BLK: variants seen among roughly 807,000 people sequenced by gnomAD.
BLK encodes the protein BLK proto-oncogene, Src family tyrosine kinase.
A neutral mutation model predicts 61.8 loss-of-function variants in BLK; 64 were observed. That is an observed-to-expected ratio of 1.03 (90% CI 0.85 to 1.27). BLK has a LOEUF of 1.27. BLK is among the 50% of genes most tolerant of loss of function. BLK has a pLI of 0.00. For synonymous variants in BLK, 351 were observed against 272.0 expected (o/e 1.29, Z -2.86); for missense variants, 853 against 660.5 (o/e 1.29, Z -3.19).
rs1171571016 is a variant in BLK, at chr8:11,561,358, G to A, written c.1086G>A (p.Arg362=). The change falls in exon 11 of 13, where the codon CGG becomes CGA. Residue 362 remains arginine (R), a synonymous_variant. Transcript: ENST00000259089. The part of the protein sequence containing the change: ...ERMNSIHRDL[R]AANILVSEAL... ...TGAATTCCATCCACCGCGACCTGCG[G>A]GCGGCCAACATCCTGGTGTCTGAGG... The A allele has an allele frequency of 6.2e-7, 1 of 1,614,022 alleles. No homozygotes were observed. The highest frequency in any genetic ancestry group is 1.3e-5 in the African/African-American group (1 of 74,940).
At chr8:11,524,414 T>C (rs1458497835) in intron 1 of BLK, among the ~76,000 whole-genome samples, 1 of 152,148 alleles carries the variant, frequency 6.6e-6, no homozygotes, top group Admixed American at 6.5e-5. Flanking sequence ...ACTTGCTTAA[T>C]AAAAAATGAG....
In BLK at chr8:11,556,765, G is replaced by A. The variant is rs201698258; in HGVS notation, c.880G>A (p.Glu294Lys). The change falls in exon 9 of 13, where the codon GAG (glutamate) becomes AAG (lysine). Residue 294 changes from glutamate to lysine, a missense_variant. Coordinates refer to ENST00000259089, the MANE Select transcript of BLK (RefSeq NM_001715.3). ...CAACGTGATGAAGGCTCTGCAGCAC[G>A]AGCGGCTGGTCCGACTCTACGCAGT... ...EANVMKALQH[E>K]RLVRLYAVVT... is the part of the protein sequence containing the mutation. 44 of 1,614,202 alleles carry A rather than the reference G, an allele frequency of 2.7e-5. No individual in the cohort carries two copies. The highest frequency in any genetic ancestry group is 2.2e-4 in the East Asian group (10 of 44,884).
At chr8:11,533,554 T>A (rs1197423535) in intron 1 of BLK, among the ~76,000 whole-genome samples, 1 of 150,200 alleles carries the variant, frequency 6.7e-6, no homozygotes, top group East Asian at 2.0e-4. Flanking sequence ...AAATCTCTCT[T>A]CTGTGCTTCA....
intron 1 of BLK, among the ~76,000 whole-genome samples, chr8:11,519,301 C>T (rs903329428): frequency 1.3e-5 from 2 of 152,196 alleles, no homozygotes; most frequent in African/African-American, 2.4e-5. Flanking sequence ...ACTGTCACAG[C>T]GTTTCTGGAC....
Position 11,563,957 on chromosome 8 carries a change from G to T in BLK, c.1367G>T (p.Arg456Leu). ...CTGGAGCGCGGCTACCGCATGCCGC[G>T]CCCCGACACCTGCCCGCCCGAGCTG... The part of the protein sequence containing the change: ...RNLERGYRMP[R>L]PDTCPPELYR... The change falls in exon 13 of 13, where the codon CGC becomes CTC. Residue 456 changes from arginine (R) to leucine (L), a missense_variant. By Grantham distance (102) the Arg-to-Leu change is moderately radical. Transcript: ENST00000259089. The T allele has an allele frequency of 1.2e-6, 2 of 1,607,054 alleles. No individual in the cohort carries two copies. The highest frequency in any genetic ancestry group is 1.7e-6 in the Non-Finnish European group (2 of 1,179,316).
chr8:11,536,354 G>A (rs79142660), intron 1 of BLK, among the ~76,000 whole-genome samples: 1 of 152,108 alleles, frequency 6.6e-6, no homozygotes, highest in Non-Finnish European at 1.5e-5. Context: ...TTGAATGTGG[G>A]TGATGAGTGT....
intron 1 of BLK, among the ~76,000 whole-genome samples, chr8:11,530,834 G>A (rs1216779390): frequency 6.6e-6 from 1 of 152,198 alleles, no homozygotes; most frequent in African/African-American, 2.4e-5. Flanking sequence ...GAACATATAT[G>A]TCAAGTCTTT....
chr8:11,532,085 C>T (rs1799908765), intron 1 of BLK, among the ~76,000 whole-genome samples: 1 of 152,062 alleles, frequency 6.6e-6, no homozygotes, highest in African/African-American at 2.4e-5. Context: ...TCTCAAACCC[C>T]TGACCTCAAG....
chr8:11,498,398 T>C (rs556404977), intron 1 of BLK, among the ~76,000 whole-genome samples: 5 of 152,312 alleles, frequency 3.3e-5, no homozygotes, highest in African/African-American at 9.6e-5. Context: ...AAACAAGCTT[T>C]TGTGTAGGTG....
chr8:11,542,421 G>A (rs181152237), intron 1 of BLK, among the ~76,000 whole-genome samples: 2 of 152,226 alleles, frequency 1.3e-5, no homozygotes, highest in African/African-American at 4.8e-5. Context: ...AGAGCCCGAT[G>A]TAAGTGCAGG....
intron 1 of BLK, among the ~76,000 whole-genome samples, chr8:11,538,088 A>G (rs1446124585): frequency 6.6e-6 from 1 of 152,114 alleles, no homozygotes; most frequent in African/African-American, 2.4e-5. Context: ...ACACACACAT[A>G]TATACACACA....
chr8:11,543,180 G>A (rs1585387130), intron 1 of BLK, 44 bp from the exon 2 acceptor site: 2 of 1,612,318 alleles, frequency 1.2e-6, no homozygotes, highest in East Asian at 4.5e-5. Flanking sequence ...AGGATCTGAG[G>A]CCCCGCTCTC....
intron 11 of BLK, among the ~76,000 whole-genome samples, chr8:11,562,592 G>A (rs377530440): frequency 5.9e-5 from 9 of 152,318 alleles, no homozygotes; most frequent in Admixed American, 1.3e-4. Context: ...TAACGGAGGC[G>A]CCCGCAGGTT....
At chr8:11,551,881 C>T (rs895274083) in intron 6 of BLK, among the ~76,000 whole-genome samples, 2 of 152,154 alleles carry the variant, frequency 1.3e-5, no homozygotes, top group African/African-American at 4.8e-5. Context: ...GTGACCACAT[C>T]ATCTAAGAGG....
intron 1 of BLK, among the ~76,000 whole-genome samples, chr8:11,534,068 T>A (rs2117392890): frequency 6.6e-6 from 1 of 152,304 alleles, no homozygotes; most frequent in East Asian, 1.9e-4. Flanking sequence ...CTGGGGGCAT[T>A]TTTTAAAAAT....
At chr8:11,560,339 A>C (rs183214096) in intron 10 of BLK, 1 of 218,046 alleles carries the variant, frequency 4.6e-6, no homozygotes, top group Non-Finnish European at 9.1e-6. Flanking sequence ...GGATGGATAC[A>C]TGGATGGATG....
rs150160905 is a variant in BLK, at chr8:11,544,818, G to A, written c.124-1234G>A. ...TTCAAAATTGTGTTCAATAAATATG[G>A]AATTAAGAAAAGAATATTTGTAACA... On this transcript the variant is annotated intron_variant, in intron 2 of 12. Transcript: ENST00000259089. Among the ~76,000 whole-genome samples, 574 of 152,154 alleles carry A rather than the reference G, an allele frequency of 3.8e-3. 1 individual carries two copies. Among genetic ancestry groups the A allele is most frequent in the Non-Finnish European group, 6.3e-3 (429 of 68,024 alleles).
intron 1 of BLK, among the ~76,000 whole-genome samples, chr8:11,501,022 A>C (rs1250916114): frequency 6.6e-6 from 1 of 151,956 alleles, no homozygotes; most frequent in African/African-American, 2.4e-5. Flanking sequence ...CAGCCTGGCC[A>C]ACATGGTGAA....
intron 1 of BLK, among the ~76,000 whole-genome samples, chr8:11,512,096 G>A (rs1191841411): frequency 3.3e-5 from 5 of 152,198 alleles, no homozygotes; most frequent in Admixed American, 3.3e-4. Context: ...AAACAAAATG[G>A]CTTTTCCTTG....
Sources: gnomAD v4.1 joint callset for allele counts (sites outside exome capture counted in the v4.1 genomes callset) on GRCh38, gnomAD v4.1.1 for gene constraint, MANE v1.5 for transcripts, NCBI Gene and HGNC (gene_info 2026-07-23, HGNC 2026-07-21) for gene names.